Variants in ICA1 observed in about 807,000 individuals in gnomAD.
The protein encoded by ICA1 is 69 kDa islet cell autoantigen.
A neutral mutation model predicts 71.0 loss-of-function variants in ICA1; 40 were observed. The observed-to-expected ratio is 0.56, with a 90% CI of 0.44 to 0.73. The LOEUF (loss-of-function observed/expected upper bound fraction) is 0.73, where lower values mean the gene tolerates loss of function less well. ICA1 is among the 30% of genes least tolerant of loss of function. The pLI is 0.00. For missense variants in ICA1, 578 were observed against 576.5 expected (o/e 1.00, Z -0.03); for synonymous variants, 207 against 209.5 (o/e 0.99, Z 0.10).
At position 8,221,354 on chromosome 7, in the gene ICA1, G is replaced by C. The variant is rs747367779; in HGVS notation, c.301C>G (p.Gln101Glu). ...ENELGKFLRS[Q>E]GFQDKTRAGK... ...GCTCTGGTTTTATCTTGGAAACCTT[G>C]GGATCGAAGAAATTTTCCCAGTTCG... Residue 101 changes from glutamine (Q) to glutamate (E), a missense_variant, in exon 5 of 14, where the codon CAA becomes GAA. Gln to Glu is a conservative substitution (Grantham distance 29, BLOSUM62 2). Coordinates refer to ENST00000402384, the MANE Select transcript of ICA1 (RefSeq NM_001136020.3). 3.1e-6 allele frequency: 5 copies of C among 1,613,556 alleles called. No homozygotes were observed. The South Asian group carries it at 5.5e-5, about 18-fold the overall frequency.
rs1347295167 is a variant in ICA1 at position 8,223,190 on chromosome 7, C to A, written c.257-1792G>T. ...CACTCAATTCCACAATGAATCTTTC[C>A]CTATGGAAAGCAATGTCTCATTTTT... On this transcript the variant is annotated intron_variant, in intron 4 of 13. Coordinates refer to ENST00000402384, the MANE Select transcript of ICA1 (RefSeq NM_001136020.3). The surrounding 1 kb of genome is among the most constrained non-coding windows in gnomAD (Gnocchi z 4.1). Among the ~76,000 whole-genome samples the A allele has an allele frequency of 6.6e-6, 1 of 152,126 alleles. No homozygotes were observed. The highest frequency in any genetic ancestry group is 1.5e-5 in the Non-Finnish European group (1 of 68,028).
chr7:8,170,096 T>C (rs1291255357), intron 6 of ICA1, among the ~76,000 whole-genome samples: 1 of 152,032 alleles, frequency 6.6e-6, no homozygotes, highest in East Asian at 1.9e-4. Flanking sequence ...ATTTTGTTTT[T>C]CCTCAATACG....
At chr7:8,153,836 A>AATATATATATATATATATAT (rs33924786) in intron 8 of ICA1, among the ~76,000 whole-genome samples, 2,890 of 136,474 alleles carry the variant, frequency 0.021, 68 homozygotes, top group Non-Finnish European at 0.032. Flanking sequence ...ACTCATGCAG[A>AATATATATATATATATATAT]ATATATATAT....
At position 8,127,900 on chromosome 7, in the gene ICA1, T is replaced by G. The variant is rs770733827; in HGVS notation, c.1303A>C (p.Met435Leu). 1 of 1,614,142 alleles carries G rather than the reference T, an allele frequency of 6.2e-7. No homozygotes were observed. Among genetic ancestry groups the G allele is most frequent in the Non-Finnish European group, 8.5e-7 (1 of 1,179,998 alleles). ...TGTAGCGAGGCCTGTAAGTCTTTCATATTTTGGTCTAAAAGCTGCGAAGGA... is the reference window on the plus strand; with the variant it reads ...TGTAGCGAGGCCTGTAAGTCTTTCAGATTTTGGTCTAAAAGCTGCGAAGGA... ...FLPSQLLDQN[M>L]KDLQASLQEP... The change falls in exon 13 of 14, where the codon ATG becomes CTG. Residue 435 changes from methionine to leucine, a missense_variant. By Grantham distance (15) the Met-to-Leu change is conservative (BLOSUM62 2). Coordinates refer to ENST00000402384, the MANE Select transcript of ICA1 (RefSeq NM_001136020.3).
intron 13 of ICA1, 59 bp from the exon 14 acceptor site, chr7:8,114,103 G>A: frequency 6.3e-7 from 1 of 1,584,052 alleles, no homozygotes; most frequent in Non-Finnish European, 8.7e-7. Flanking sequence ...CCTCTGCCAT[G>A]CGGGATGCAG....
chr7:8,138,548 CGT>C (rs1254487976), intron 12 of ICA1, among the ~76,000 whole-genome samples: 1 of 152,168 alleles, frequency 6.6e-6, no homozygotes, highest in Non-Finnish European at 1.5e-5. Flanking sequence ...TTTAAATCCA[CGT>C]GTCTGATTCT....
chr7:8,203,459 T>C (rs1790440003), intron 6 of ICA1, among the ~76,000 whole-genome samples: 1 of 152,224 alleles, frequency 6.6e-6, no homozygotes, highest in African/African-American at 2.4e-5. Flanking sequence ...GAACATCAGC[T>C]ATTTCACGAT....
At position 8,118,396 on chromosome 7, in the gene ICA1, A is replaced by G. The variant is rs138315108; in HGVS notation, c.1331-4352T>C. Among the ~76,000 whole-genome samples the G allele has an allele frequency of 2.1e-3, 316 of 152,348 alleles. 6 individuals carry two copies. The East Asian group carries it at 0.045, about 22-fold the overall frequency. On this transcript the variant is annotated intron_variant, in intron 13 of 13. Coordinates refer to ENST00000402384, the MANE Select transcript of ICA1 (RefSeq NM_001136020.3). ...GAGGGAGCTATCTGGGACCGTGGAA[A>G]TGTTCTAACACTGGACTGTGGTGAA... is the stretch of plus-strand genomic sequence containing the variant.
chr7:8,201,088 TG>T lies in ICA1; in HGVS notation c.579+17216del, dbSNP rs564066777. Among the ~76,000 whole-genome samples the T allele has an allele frequency of 5.3e-5, 8 of 152,354 alleles. No individual in the cohort carries two copies. The South Asian group carries it at 1.7e-3, about 32-fold the overall frequency. ...TCATAGAAAATTGGGGCAATATTTT[TG>T]TAATATATCAACGTGGTTTTCTATT... is the stretch of plus-strand genomic sequence containing the variant. On this transcript the variant is annotated intron_variant, in intron 6 of 13. Coordinates refer to ENST00000402384, the MANE Select transcript of ICA1 (RefSeq NM_001136020.3).
chr7:8,175,498 C>T (rs1780312829), intron 6 of ICA1, among the ~76,000 whole-genome samples: 1 of 151,398 alleles, frequency 6.6e-6, no homozygotes, highest in Non-Finnish European at 1.5e-5. Context: ...CCTTCGCATG[C>T]ATGAAAACTG....
chr7:8,236,085 A>G (rs902647196), intron 1 of ICA1, 80 bp from the exon 2 acceptor site: 7 of 726,978 alleles, frequency 9.6e-6, no homozygotes, highest in East Asian at 2.7e-5. Flanking sequence ...AAAGCCTTCA[A>G]CCTAAGCCAT....
chr7:8,166,394 A>C (rs765358689), intron 6 of ICA1, among the ~76,000 whole-genome samples: 3 of 152,208 alleles, frequency 2.0e-5, no homozygotes, highest in Non-Finnish European at 2.9e-5. Flanking sequence ...GTAATGGAGA[A>C]AGGACTCCAT....
At chr7:8,174,770 A>AAAACAAAAAAC (rs1584904885) in intron 6 of ICA1, among the ~76,000 whole-genome samples, 2 of 37,300 alleles carry the variant, frequency 5.4e-5, no homozygotes, top group East Asian at 4.1e-3. Flanking sequence ...AAAAAAAAAA[A>AAAACAAAAAAC]AAAAAAAAAC....
At chr7:8,170,116 T>C (rs929879123) in intron 6 of ICA1, among the ~76,000 whole-genome samples, 4 of 151,990 alleles carry the variant, frequency 2.6e-5, no homozygotes, top group Non-Finnish European at 5.9e-5. Context: ...GGATACCCAA[T>C]AGTCCAAGCA....
intron 10 of ICA1, among the ~76,000 whole-genome samples, chr7:8,139,959 T>C (rs1330250483): frequency 1.3e-5 from 2 of 152,224 alleles, no homozygotes; most frequent in African/African-American, 4.8e-5. Context: ...TTATAATGGA[T>C]TTTATTCTGT....
chr7:8,134,773 GA>G, intron 12 of ICA1, among the ~76,000 whole-genome samples: 1 of 151,284 alleles, frequency 6.6e-6, no homozygotes, highest in African/African-American at 2.4e-5. Context: ...TCGCTCTGAT[GA>G]AAAATGATAT....
chr7:8,219,868 C>T lies in ICA1; in HGVS notation c.381-1365G>A, dbSNP rs183782849. ...AGATTCTTTGTTTCTCTTCCTTTGC[C>T]TAAGAATTTTTCTCACTGAAGTTAG... On this transcript the variant is annotated intron_variant, in intron 5 of 13. Coordinates refer to ENST00000402384, the MANE Select transcript of ICA1 (RefSeq NM_001136020.3). 2.0e-4 allele frequency among the ~76,000 whole-genome samples: 31 copies of T among 152,280 alleles called. 1 individual carries two copies. In the East Asian group the frequency reaches 5.6e-3, roughly 27 times the overall value.
intron 8 of ICA1, among the ~76,000 whole-genome samples, chr7:8,150,352 A>G (rs1260857649): frequency 2.0e-5 from 3 of 152,188 alleles, no homozygotes; most frequent in African/African-American, 4.8e-5. Context: ...CTTTCTTATC[A>G]ATGACTTTTA....
intron 6 of ICA1, among the ~76,000 whole-genome samples, chr7:8,162,329 A>T (rs1255649374): frequency 6.6e-6 from 1 of 152,232 alleles, no homozygotes; most frequent in Admixed American, 6.5e-5. Context: ...GTCAACAATG[A>T]TTATTAAAAT....
Sources: gnomAD v4.1 joint callset for allele counts (sites outside exome capture counted in the v4.1 genomes callset) on GRCh38, gnomAD v4.1.1 for gene constraint, Gnocchi (gnomAD v3.1) non-coding constraint, MANE v1.5 for transcripts, NCBI Gene and HGNC (gene_info 2026-07-23, HGNC 2026-07-21) for gene names.